The following RNF212B variants were observed in gnomAD, a reference collection of about 807,000 sequenced individuals.
RNF212B encodes E3 ubiquitin-protein ligase RNF212B.
In RNF212B, 52 loss-of-function variants were observed where a neutral mutation model predicts 55.5. The observed-to-expected ratio is 0.94, with a 90% CI of 0.75 to 1.18. The LOEUF is 1.18. RNF212B is among the 50% of genes most tolerant of loss of function. The probability of loss-of-function intolerance (pLI) is 0.00; values close to 1 mark genes in which losing one functional copy is unlikely to be tolerated. For missense variants in RNF212B, 289 were observed against 350.4 expected (o/e 0.82, Z 1.40); for synonymous variants, 99 against 121.4 (o/e 0.82, Z 1.21).
At chr14:23,189,883 C>T (rs1877953041) in intron 1 of RNF212B, among the ~76,000 whole-genome samples, 1 of 152,080 alleles carries the variant, frequency 6.6e-6, no homozygotes, top group Admixed American at 6.6e-5. Flanking sequence ...TCTCTGCTCC[C>T]ATCTCTACTT....
intron 4 of RNF212B, among the ~76,000 whole-genome samples, chr14:23,251,274 C>T (rs1884383863): frequency 1.3e-5 from 2 of 148,330 alleles, no homozygotes. Flanking sequence ...CAATTCAATT[C>T]TAACACTAAT....
intron 12 of RNF212B, among the ~76,000 whole-genome samples, chr14:23,269,646 A>C (rs147378366): frequency 2.6e-5 from 4 of 152,016 alleles, no homozygotes; most frequent in African/African-American, 7.2e-5. Flanking sequence ...TAGGAAGTCA[A>C]GGCTGCAGTG....
intron 2 of RNF212B, among the ~76,000 whole-genome samples, chr14:23,216,185 GC>G (rs1268254107): frequency 1.3e-5 from 2 of 152,174 alleles, no homozygotes; most frequent in Admixed American, 1.3e-4. Flanking sequence ...GGCGGAGCTT[GC>G]AGTGAGTCAA....
Position 23,214,059 on chromosome 14 carries a change from G to A in RNF212B, c.-2+20658G>A, listed in dbSNP as rs114495516. On this transcript the variant is annotated intron_variant, in intron 2 of 15. Coordinates refer to the RNF212B transcript ENST00000399910. ...GATCACTTGAGCCCAGGAGTTCGAG[G>A]TTGTAGTGTGCTGTAATGTAATCCA... is the stretch of plus-strand genomic sequence containing the variant. Among the ~76,000 whole-genome samples the A allele has an allele frequency of 1.8e-3, 268 of 152,296 alleles. 1 individual carries two copies. The highest frequency in any genetic ancestry group is 5.8e-3 in the African/African-American group (242 of 41,562).
At chr14:23,194,063 A>G (rs1456306743) in intron 2 of RNF212B, among the ~76,000 whole-genome samples, 1 of 152,108 alleles carries the variant, frequency 6.6e-6, no homozygotes, top group East Asian at 1.9e-4. Context: ...GCTGGTCTGG[A>G]ACTCCTGACC....
chr14:23,214,288 G>A (rs1594886925), intron 2 of RNF212B, among the ~76,000 whole-genome samples: 1 of 152,140 alleles, frequency 6.6e-6, no homozygotes, highest in South Asian at 2.1e-4. Flanking sequence ...GAGGTCAGGA[G>A]TCTGAGACCA....
rs1041326648 is a variant in RNF212B at position 23,240,409 on chromosome 14, T to G, written c.64T>G (p.Cys22Gly). 1 of 1,550,298 alleles carries G rather than the reference T, an allele frequency of 6.5e-7. No individual in the cohort carries two copies. The highest frequency in any genetic ancestry group is 8.7e-7 in the Non-Finnish European group (1 of 1,146,868). ...KDGAHFFVTS[C>G]GHIFCKKCVT... ...TGGGGCCCATTTCTTTGTCACCAGCTGTGGCCATATTTTCTGTAAAAAGTG... is the reference window on the plus strand; with the variant it reads ...TGGGGCCCATTTCTTTGTCACCAGCGGTGGCCATATTTTCTGTAAAAAGTG... The change falls in exon 2 of 15, where the codon TGT (cysteine) becomes GGT (glycine). Residue 22 changes from cysteine to glycine, a missense_variant. Cys to Gly is a radical substitution (Grantham distance 159). Coordinates refer to ENST00000430154, the MANE Select transcript of RNF212B (RefSeq NM_001282322.3).
At chr14:23,205,237 A>C (rs34797222) in intron 2 of RNF212B, among the ~76,000 whole-genome samples, 18,199 of 150,464 alleles carry the variant, frequency 0.12, 1,351 homozygotes, top group East Asian at 0.35. Flanking sequence ...GGTTCCTTTT[A>C]CCTTGTTTTA....
intron 2 of RNF212B, among the ~76,000 whole-genome samples, chr14:23,222,181 C>T (rs1460303931): frequency 6.6e-6 from 1 of 151,322 alleles, no homozygotes; most frequent in African/African-American, 2.4e-5. Context: ...AACAATACAA[C>T]AGGTCAATGA....
intron 7 of RNF212B, among the ~76,000 whole-genome samples, chr14:23,262,176 A>G (rs1275739275): frequency 6.6e-6 from 1 of 151,294 alleles, no homozygotes; most frequent in Admixed American, 6.6e-5. Context: ...TTTTTTTTTC[A>G]TCTCTCCCAC....
chr14:23,202,708 G>A (rs141860449), intron 2 of RNF212B, among the ~76,000 whole-genome samples: 2,068 of 152,066 alleles, frequency 0.014, 43 homozygotes, highest in African/African-American at 0.047. Flanking sequence ...AAAATTAGCC[G>A]GGCATGGTGG....
At chr14:23,199,330 T>A (rs534051414) in intron 2 of RNF212B, among the ~76,000 whole-genome samples, 2 of 152,168 alleles carry the variant, frequency 1.3e-5, no homozygotes, top group African/African-American at 4.8e-5. Context: ...AGATAGGTGA[T>A]ACACAAATGG....
chr14:23,209,868 A>C (rs1393284456), intron 2 of RNF212B, among the ~76,000 whole-genome samples: 1 of 152,166 alleles, frequency 6.6e-6, no homozygotes, highest in Non-Finnish European at 1.5e-5. Context: ...AACATCTATG[A>C]CTGGCCCAGT....
At chr14:23,190,861 C>T (rs1451735628) in intron 1 of RNF212B, among the ~76,000 whole-genome samples, 1 of 152,186 alleles carries the variant, frequency 6.6e-6, no homozygotes, top group Non-Finnish European at 1.5e-5. Context: ...CTTCCTTTCA[C>T]GTGGTCCTCC....
At chr14:23,190,373 C>T (rs61614521) in intron 1 of RNF212B, among the ~76,000 whole-genome samples, 18,567 of 152,184 alleles carry the variant, frequency 0.12, 1,224 homozygotes, top group African/African-American at 0.15. Flanking sequence ...AAAGAGAGTG[C>T]GTGCTTTCCG....
rs117715568 is a variant in RNF212B, at chr14:23,221,777, A to G, written c.-1-18568A>G. 2.2e-3 allele frequency among the ~76,000 whole-genome samples: 340 copies of G among 152,358 alleles called. 1 individual carries two copies. Among genetic ancestry groups the G allele is most frequent in the Non-Finnish European group, 2.7e-3 (182 of 68,034 alleles). The stretch of plus-strand genomic sequence containing the variant: ...TGAAAACTTTAAAAAAACTGAAATA[A>G]TATCAGGCATCTTCTCTGACCACAG... On this transcript the variant is annotated intron_variant, in intron 2 of 15. Coordinates refer to the RNF212B transcript ENST00000399910.
At chr14:23,223,913 A>C (rs1281195840) in intron 2 of RNF212B, among the ~76,000 whole-genome samples, 1 of 152,256 alleles carries the variant, frequency 6.6e-6, no homozygotes, top group Non-Finnish European at 1.5e-5. Flanking sequence ...CAAAATCAGC[A>C]TACAAAAACC....
chr14:23,216,502 C>T (rs987675878), intron 2 of RNF212B, among the ~76,000 whole-genome samples: 6 of 151,158 alleles, frequency 4.0e-5, no homozygotes, highest in East Asian at 1.9e-4. Context: ...AGATAGACGT[C>T]GACAGAACAG....
intron 2 of RNF212B, among the ~76,000 whole-genome samples, chr14:23,208,434 C>T (rs1041164920): frequency 2.6e-5 from 4 of 152,100 alleles, no homozygotes; most frequent in Non-Finnish European, 4.4e-5. Flanking sequence ...GAGTTCAAGA[C>T]TGCAATGAGC....
Sources: allele counts gnomAD v4.1 joint callset (sites outside exome capture counted in the v4.1 genomes callset), GRCh38; gene constraint gnomAD v4.1.1; transcripts MANE v1.5; gene names NCBI Gene and HGNC (gene_info 2026-07-23, HGNC 2026-07-21).